Variants in ZNF521 observed in about 807,000 individuals in gnomAD.
The protein encoded by ZNF521 is LYST-interacting protein 3.
A neutral mutation model predicts 105.5 loss-of-function variants in ZNF521; 14 were observed. The ratio of observed to expected loss-of-function variants is 0.13; its 90% confidence interval spans 0.09 to 0.21. The LOEUF (loss-of-function observed/expected upper bound fraction) is 0.21, where lower values mean the gene tolerates loss of function less well. ZNF521 is among the 10% of genes least tolerant of loss of function. The probability of loss-of-function intolerance (pLI) is 1.00; values close to 1 mark genes in which losing one functional copy is unlikely to be tolerated. For synonymous variants in ZNF521, 635 were observed against 606.0 expected (o/e 1.05, Z -0.70); for missense variants, 1,233 against 1,629.7 (o/e 0.76, Z 4.19).
intron 2 of ZNF521, among the ~76,000 whole-genome samples, chr18:25,348,660 T>C (rs917015279): frequency 1.3e-5 from 2 of 151,438 alleles, no homozygotes; most frequent in East Asian, 1.9e-4. Context: ...TCTTTGTTTT[T>C]AGTGTAAATA....
chr18:25,100,487 G>A (rs1487124021), intron 5 of ZNF521, among the ~76,000 whole-genome samples: 2 of 151,604 alleles, frequency 1.3e-5, no homozygotes, highest in Non-Finnish European at 2.9e-5. Flanking sequence ...ATCTGCAATG[G>A]CACATGGGGG....
At chr18:25,298,336 T>C (rs922753367) in intron 3 of ZNF521, among the ~76,000 whole-genome samples, 9 of 152,156 alleles carry the variant, frequency 5.9e-5, no homozygotes, top group African/African-American at 2.2e-4. Flanking sequence ...AGAATATCTC[T>C]CAGATATATA....
rs781304557 is a variant in ZNF521 at position 25,224,332 on chromosome 18, A to G, written c.3573+13T>C. 162 of 1,595,980 alleles carry G rather than the reference A, an allele frequency of 1.0e-4. No homozygotes were observed. The highest frequency in any genetic ancestry group is 5.1e-4 in the Middle Eastern group (3 of 5,922). On this transcript the variant is annotated intron_variant, in intron 4 of 7. Coordinates refer to ENST00000361524, the MANE Select transcript of ZNF521 (RefSeq NM_015461.3). ...AGGAGGTTAAATAGCAAACATTAAA[A>G]AAGGCGAGTTACCTCATCCGACTGG...
intron 5 of ZNF521, among the ~76,000 whole-genome samples, chr18:25,116,133 T>G (rs2034297020): frequency 6.6e-6 from 1 of 152,140 alleles, no homozygotes; most frequent in Non-Finnish European, 1.5e-5. Flanking sequence ...TGGAGCACTG[T>G]AGAACTCAGC....
chr18:25,245,119 A>T (rs975962659), intron 3 of ZNF521, among the ~76,000 whole-genome samples: 1 of 152,194 alleles, frequency 6.6e-6, no homozygotes, highest in Non-Finnish European at 1.5e-5. Flanking sequence ...TCATTTTTGC[A>T]AGGTTGTTTA....
At chr18:25,114,818 C>G (rs2034271442) in intron 5 of ZNF521, among the ~76,000 whole-genome samples, 2 of 152,154 alleles carry the variant, frequency 1.3e-5, no homozygotes, top group Admixed American at 6.5e-5. Flanking sequence ...GTGATTAATA[C>G]AATTAATTAC....
intron 3 of ZNF521, among the ~76,000 whole-genome samples, chr18:25,274,127 T>G (rs1472293576): frequency 1.3e-5 from 2 of 152,206 alleles, no homozygotes; most frequent in African/African-American, 4.8e-5. Context: ...GCAGACACAC[T>G]GATACTTTGG....
At chr18:25,205,598 T>C (rs1176709550) in intron 4 of ZNF521, among the ~76,000 whole-genome samples, 2 of 152,250 alleles carry the variant, frequency 1.3e-5, no homozygotes, top group Admixed American at 1.3e-4. Context: ...GTAGCGACAG[T>C]ATGTAAGCAC....
intron 5 of ZNF521, among the ~76,000 whole-genome samples, chr18:25,168,562 C>T: frequency 6.6e-6 from 1 of 152,096 alleles, no homozygotes; most frequent in East Asian, 1.9e-4. Context: ...ACTGCAAAAC[C>T]TTGATTTTAA....
intron 4 of ZNF521, chr18:25,201,288 C>A (rs901351481): frequency 6.6e-6 from 1 of 152,110 alleles, no homozygotes; most frequent in African/African-American, 2.4e-5. Context: ...AATCCTAGTT[C>A]CTGGTAGTGG....
At chr18:25,194,407 T>C (rs1170519360) in intron 5 of ZNF521, among the ~76,000 whole-genome samples, 1 of 151,674 alleles carries the variant, frequency 6.6e-6, no homozygotes, top group Non-Finnish European at 1.5e-5. Context: ...TTTAGTGTTA[T>C]TACTAAATGC....
At chr18:25,185,197 C>T (rs1312638764) in intron 5 of ZNF521, among the ~76,000 whole-genome samples, 9 of 152,148 alleles carry the variant, frequency 5.9e-5, no homozygotes, top group Non-Finnish European at 1.2e-4. Flanking sequence ...ATTTTGACTA[C>T]AGATTTATAA....
rs776727027 is a variant in ZNF521, at chr18:25,227,456, C to T, written c.462G>A (p.Leu154=). 1 of 1,613,616 alleles carries T rather than the reference C, an allele frequency of 6.2e-7. No homozygotes were observed. Among genetic ancestry groups the T allele is most frequent in the Admixed American group, 1.7e-5 (1 of 59,974 alleles). Residue 154 remains leucine, a synonymous_variant, in exon 4 of 8, where the codon CTG becomes CTA. Coordinates refer to ENST00000361524, the MANE Select transcript of ZNF521 (RefSeq NM_015461.3). The surrounding 1 kb of genome is among the most constrained non-coding windows in gnomAD (Gnocchi z 5.7). Reference sequence around the variant, plus strand: ...GATCTCGGCTGCGCTTGTGTTTGAACAGCCTACTGCAGTAGGTGCATTTGA... The same window carrying T: ...GATCTCGGCTGCGCTTGTGTTTGAATAGCCTACTGCAGTAGGTGCATTTGA... The part of the protein sequence containing the change: ...LPFKCTYCSR[L]FKHKRSRDRH...
intron 3 of ZNF521, among the ~76,000 whole-genome samples, chr18:25,315,126 T>C (rs892806884): frequency 6.6e-6 from 1 of 152,194 alleles, no homozygotes; most frequent in Admixed American, 6.5e-5. Flanking sequence ...TTTCCTTCTT[T>C]AAATATATAT....
intron 3 of ZNF521, among the ~76,000 whole-genome samples, chr18:25,318,742 T>A (rs895090389): frequency 2.0e-5 from 3 of 152,046 alleles, no homozygotes; most frequent in African/African-American, 7.2e-5. Context: ...TAGAGAAAAA[T>A]ACACATATGT....
At chr18:25,151,017 A>G (rs1359789779) in intron 5 of ZNF521, among the ~76,000 whole-genome samples, 1 of 150,986 alleles carries the variant, frequency 6.6e-6, no homozygotes, top group Non-Finnish European at 1.5e-5. Context: ...GCCCCCGAGT[A>G]GCTGGGAAGT....
At chr18:25,200,254 C>CA (rs1412698634) in intron 4 of ZNF521, among the ~76,000 whole-genome samples, 1 of 152,094 alleles carries the variant, frequency 6.6e-6, no homozygotes, top group Non-Finnish European at 1.5e-5. Context: ...AAGTAACTTA[C>CA]GAGAGCGAAG....
chr18:25,307,305 T>G (rs550357322), intron 3 of ZNF521, among the ~76,000 whole-genome samples: 1 of 152,306 alleles, frequency 6.6e-6, no homozygotes, highest in South Asian at 2.1e-4. Flanking sequence ...CTTTGATGGT[T>G]ACCCACTGCC....
intron 3 of ZNF521, among the ~76,000 whole-genome samples, chr18:25,229,328 C>A (rs1393649446): frequency 6.7e-6 from 1 of 149,952 alleles, no homozygotes; most frequent in Non-Finnish European, 1.5e-5. Context: ...GAGAAAACAA[C>A]CAAACACCAT....
Sources: gnomAD v4.1 joint callset for allele counts (sites outside exome capture counted in the v4.1 genomes callset) on GRCh38, gnomAD v4.1.1 for gene constraint, Gnocchi (gnomAD v3.1) non-coding constraint, MANE v1.5 for transcripts, NCBI Gene and HGNC (gene_info 2026-07-23, HGNC 2026-07-21) for gene names.